The following SGO1 variants were observed in gnomAD, a reference collection of about 807,000 sequenced individuals.
The protein encoded by SGO1 is serologically defined breast cancer antigen NY-BR-85.
In SGO1, 39 loss-of-function variants were observed where a neutral mutation model predicts 50.5. The ratio of observed to expected loss-of-function variants is 0.77; its 90% CI spans 0.60 to 1.01. The LOEUF is 1.01. SGO1 is among the 50% of genes least tolerant of loss of function. SGO1 has a pLI of 0.00. For missense variants in SGO1, 638 were observed against 606.0 expected (o/e 1.05, Z -0.55); for synonymous variants, 191 against 205.1 (o/e 0.93, Z 0.59).
chr3:20,165,881 G>A (rs769076511), downstream of SGO1, among the ~76,000 whole-genome samples: 1 of 151,922 alleles, frequency 6.6e-6, no homozygotes, highest in African/African-American at 2.4e-5. Context: ...GTGAAACCCC[G>A]ACTCTACTAA....
At chr3:20,182,439 T>G (rs1364561754) in intron 3 of SGO1, among the ~76,000 whole-genome samples, 1 of 150,644 alleles carries the variant, frequency 6.6e-6, no homozygotes, top group Non-Finnish European at 1.5e-5. Context: ...AGCGAAGCAA[T>G]GGCCACTGGG....
chr3:20,184,871 C>T (rs1215775401), intron 1 of SGO1, among the ~76,000 whole-genome samples: 1 of 152,098 alleles, frequency 6.6e-6, no homozygotes, highest in Admixed American at 6.6e-5. Context: ...ACATGTCAAA[C>T]CACTTTTCAC....
downstream of SGO1, chr3:20,169,356 C>T: frequency 5.1e-6 from 5 of 984,358 alleles, no homozygotes; most frequent in Non-Finnish European, 6.0e-6. Context: ...ATTAACTCAC[C>T]TAGAACACCC....
Position 20,174,531 on chromosome 3 carries a change from C to A in SGO1, c.1000G>T (p.Ala334Ser). ...CCCTCTTCCAAATTAAAATTGTAAG[C>A]ATCATTGGAACTGACAGATTTGTGC... ...KMHKSVSSND[A>S]YNFNLEEGVH... is the part of the protein sequence containing the mutation. Residue 334 changes from alanine (A) to serine (S), a missense_variant, in exon 6 of 8, where the codon GCT (alanine) becomes TCT (serine). Transcript: ENST00000412997. 6.2e-7 allele frequency: 1 copy of A among 1,614,042 alleles called. No individual in the cohort carries two copies. The highest frequency in any genetic ancestry group is 8.5e-7 in the Non-Finnish European group (1 of 1,179,990).
rs765368846 is a variant in SGO1 at position 20,171,232 on chromosome 3, G to A, written c.1283C>T (p.Thr428Ile). ...TGACTGCTGAGTTTCAGGTGGTGTA[G>A]CTACAAAACAATTTTTACTGAATAT... ...EGSKPTKTPTTTPPETQQSPH... is the reference protein window; with the variant it reads ...EGSKPTKTPTITPPETQQSPH... Residue 428 changes from threonine to isoleucine, a missense_variant and splice_region_variant, in exon 7 of 8, where the codon ACT becomes ATT. Thr to Ile is a moderately conservative substitution (Grantham distance 89). Coordinates refer to ENST00000412997, the MANE Select transcript of SGO1 (RefSeq NM_001199251.3). 6.5e-7 allele frequency: 1 copy of A among 1,546,898 alleles called. No individual in the cohort carries two copies. Among genetic ancestry groups the A allele is most frequent in the South Asian group, 1.2e-5 (1 of 81,020 alleles).
chr3:20,176,143 G>A (rs2125319289), intron 5 of SGO1, among the ~76,000 whole-genome samples: 1 of 152,260 alleles, frequency 6.6e-6, no homozygotes, highest in East Asian at 1.9e-4. Context: ...TTGAGAACAT[G>A]GACATATCAA....
At position 20,169,936 on chromosome 3, in the gene SGO1, AG is replaced by A; in HGVS notation, c.*767del. 1 of 983,586 alleles carries A rather than the reference AG, an allele frequency of 1.0e-6. No homozygotes were observed. Among genetic ancestry groups the A allele is most frequent in the Non-Finnish European group, 1.2e-6 (1 of 828,216 alleles). 60.9% of individuals were successfully genotyped at this position (983,586 alleles called of 1,614,324 possible). On this transcript the variant is annotated 3_prime_UTR_variant, in exon 8 of 8. Transcript: ENST00000412997. ...CTCGAATACTACACAGAGTTTCAAA[AG>A]ATCCACAATAATTTATTTTACTCAA...
intron 4 of SGO1, among the ~76,000 whole-genome samples, 170 bp from the exon 5 acceptor site, chr3:20,176,829 A>G (rs570588334): frequency 3.2e-4 from 48 of 152,338 alleles, no homozygotes; most frequent in African/African-American, 1.1e-3. Context: ...TATGCTGATT[A>G]CAGGGAGACT....
At chr3:20,162,986 T>C (rs1361755501) in intron 8 of SGO1, among the ~76,000 whole-genome samples, 4 of 152,130 alleles carry the variant, frequency 2.6e-5, no homozygotes, top group South Asian at 2.1e-4. Context: ...GTGCAGCTAA[T>C]AGAGTGCTTA....
downstream of SGO1, among the ~76,000 whole-genome samples, chr3:20,164,897 G>A (rs544491024): frequency 6.6e-6 from 1 of 152,256 alleles, no homozygotes; most frequent in Middle Eastern, 3.4e-3. Flanking sequence ...AATCAAGCCT[G>A]TAAGAAAATT....
intron 8 of SGO1, chr3:20,161,363 CAA>C: frequency 1.5e-6 from 2 of 1,315,322 alleles, no homozygotes; most frequent in Non-Finnish European, 2.0e-6. Context: ...AGCAAACAAT[CAA>C]AAGTCAGCAG....
At chr3:20,174,176 A>G in intron 6 of SGO1, 73 bp downstream of exon 6, 2 of 1,148,284 alleles carry the variant, frequency 1.7e-6, no homozygotes, top group Non-Finnish European at 2.6e-6. Context: ...GATGGTAAGT[A>G]TAGTATATAA....
chr3:20,183,017 C>CAAA (rs879418547), intron 3 of SGO1, among the ~76,000 whole-genome samples: 1 of 134,584 alleles, frequency 7.4e-6, no homozygotes. Context: ...GACGCCGTCT[C>CAAA]AAAAAAAAAA....
At chr3:20,180,342 T>C (rs141897709) in intron 3 of SGO1, among the ~76,000 whole-genome samples, 72 of 152,262 alleles carry the variant, frequency 4.7e-4, no homozygotes, top group African/African-American at 1.6e-3. Flanking sequence ...GTGAAGAATA[T>C]ACTGTTTTCT....
At position 20,172,009 on chromosome 3, in the gene SGO1, T is replaced by C. The variant is rs554926147; in HGVS notation, c.1283-777A>G. Among the ~76,000 whole-genome samples the C allele has an allele frequency of 3.9e-5, 6 of 152,362 alleles. No homozygotes were observed. In the South Asian group the frequency reaches 6.2e-4, roughly 16 times the overall value. On this transcript the variant is annotated intron_variant, in intron 6 of 7. Coordinates refer to ENST00000412997, the MANE Select transcript of SGO1 (RefSeq NM_001199251.3). Reference sequence around the variant, plus strand: ...AGTAAAAACTATAACTGTGAAATGATTGTATACTAAGAGCCATATGCTCCA... The same window carrying C: ...AGTAAAAACTATAACTGTGAAATGACTGTATACTAAGAGCCATATGCTCCA...
upstream of SGO1, chr3:20,186,324 C>T (rs1041966098): frequency 6.6e-5 from 10 of 152,292 alleles, no homozygotes; most frequent in African/African-American, 2.4e-4. Flanking sequence ...TCACGTGACG[C>T]ACATTCGCTC....
intron 3 of SGO1, among the ~76,000 whole-genome samples, chr3:20,180,049 C>T (rs1380287868): frequency 6.6e-6 from 1 of 152,110 alleles, no homozygotes; most frequent in Non-Finnish European, 1.5e-5. Context: ...GTAATCCTAG[C>T]ATTTAGGGAG....
intron 3 of SGO1, among the ~76,000 whole-genome samples, chr3:20,179,016 T>C (rs1168188188): frequency 6.6e-6 from 1 of 152,196 alleles, no homozygotes; most frequent in Non-Finnish European, 1.5e-5. Context: ...CAAGATATGA[T>C]ATCAGCTAAG....
At chr3:20,176,304 G>A (rs889864809) in intron 5 of SGO1, among the ~76,000 whole-genome samples, 4 of 152,126 alleles carry the variant, frequency 2.6e-5, no homozygotes, top group Non-Finnish European at 5.9e-5. Flanking sequence ...AGGTTGTTGT[G>A]AGGGTTAGGT....
Sources: allele counts gnomAD v4.1 joint callset (sites outside exome capture counted in the v4.1 genomes callset), GRCh38; gene constraint gnomAD v4.1.1; transcripts MANE v1.5; gene names NCBI Gene and HGNC (gene_info 2026-07-23, HGNC 2026-07-21).